Variants in TLK1 observed in about 807,000 individuals in gnomAD.
TLK1 encodes tousled like kinase 1, also known as serine/threonine-protein kinase tousled-like 1.
Under a neutral mutation model 105.3 loss-of-function variants are expected in TLK1, and 24 were observed. The observed-to-expected ratio is 0.23, with a 90% CI of 0.17 to 0.32. TLK1 has a LOEUF of 0.32. Among genes scored for constraint, TLK1 ranks in the 10% least tolerant of loss-of-function variants. TLK1 has a pLI of 1.00. For missense variants in TLK1, 558 were observed against 910.5 expected (o/e 0.61, Z 4.98); for synonymous variants, 321 against 310.4 (o/e 1.03, Z -0.36).
intron 12 of TLK1, among the ~76,000 whole-genome samples, chr2:171,016,282 C>T (rs929109343): frequency 3.3e-5 from 5 of 152,142 alleles, no homozygotes; most frequent in African/African-American, 1.2e-4. Context: ...ACTAGGACTA[C>T]AGGCATGCGC....
intron 1 of TLK1, among the ~76,000 whole-genome samples, chr2:171,193,352 G>T (rs1207841770): frequency 4.0e-5 from 6 of 151,492 alleles, no homozygotes; most frequent in African/African-American, 1.5e-4. Context: ...TGTCTCCATA[G>T]TGACTGTTAA....
At chr2:171,146,887 C>T (rs896307088) in intron 1 of TLK1, among the ~76,000 whole-genome samples, 6 of 152,166 alleles carry the variant, frequency 3.9e-5, no homozygotes, top group Admixed American at 6.5e-5. Flanking sequence ...CCTGAATTTC[C>T]GGTTTCTACC....
At chr2:171,217,880 CAT>C (rs1290493907) in intron 1 of TLK1, among the ~76,000 whole-genome samples, 1 of 152,138 alleles carries the variant, frequency 6.6e-6, no homozygotes, top group East Asian at 1.9e-4. Context: ...GTTGTATGAA[CAT>C]GGACAAAGAT....
At chr2:171,048,676 G>C (rs1382075040) in intron 10 of TLK1, among the ~76,000 whole-genome samples, 2 of 32,764 alleles carry the variant, frequency 6.1e-5, no homozygotes, top group South Asian at 5.5e-3. Context: ...GTTTCACTGT[G>C]GTATAACTAG....
intron 1 of TLK1, among the ~76,000 whole-genome samples, chr2:171,191,494 G>T (rs1456828965): frequency 6.6e-6 from 1 of 152,120 alleles, no homozygotes; most frequent in Non-Finnish European, 1.5e-5. Flanking sequence ...CAGTAGGATT[G>T]GTTGCGCCCA....
chr2:170,998,831 C>A (rs541498553), intron 18 of TLK1, among the ~76,000 whole-genome samples: 4 of 152,268 alleles, frequency 2.6e-5, no homozygotes, highest in African/African-American at 2.4e-5. Flanking sequence ...TACAGTGGTA[C>A]GATCATAGCT....
At chr2:171,070,803 G>A (rs1348256612) in intron 3 of TLK1, among the ~76,000 whole-genome samples, 1 of 152,150 alleles carries the variant, frequency 6.6e-6, no homozygotes, top group East Asian at 1.9e-4. Flanking sequence ...TGGAATTGCT[G>A]GATCGCACGG....
intron 8 of TLK1, among the ~76,000 whole-genome samples, chr2:171,051,416 AT>A (rs1687231037): frequency 6.6e-6 from 1 of 152,074 alleles, no homozygotes; most frequent in African/African-American, 2.4e-5. Flanking sequence ...AAGTTGTTCA[AT>A]GAGATATCCA....
At chr2:171,017,339 C>G (rs1450248043) in intron 12 of TLK1, among the ~76,000 whole-genome samples, 1 of 152,170 alleles carries the variant, frequency 6.6e-6, no homozygotes, top group Non-Finnish European at 1.5e-5. Context: ...ATTTGACTGT[C>G]ACATGTGTAG....
chr2:171,215,649 A>G (rs1300323120), intron 1 of TLK1, among the ~76,000 whole-genome samples: 1 of 152,222 alleles, frequency 6.6e-6, no homozygotes, highest in Non-Finnish European at 1.5e-5. Context: ...AAACATTTCA[A>G]TCAATTGTTT....
chr2:171,053,734 T>C, intron 8 of TLK1, 27 bp downstream of exon 8: 1 of 1,504,580 alleles, frequency 6.6e-7, no homozygotes, highest in Middle Eastern at 1.8e-4. Context: ...TATTCAATTT[T>C]TTTCCCCTCT....
chr2:171,085,011 T>C (rs770080090), intron 2 of TLK1, among the ~76,000 whole-genome samples: 2 of 152,104 alleles, frequency 1.3e-5, no homozygotes, highest in Non-Finnish European at 2.9e-5. Flanking sequence ...CAGCTGATGA[T>C]GAAGCAACAA....
intron 1 of TLK1, among the ~76,000 whole-genome samples, chr2:171,169,600 G>C (rs1186962168): frequency 1.3e-5 from 2 of 152,116 alleles, no homozygotes; most frequent in Admixed American, 6.5e-5. Flanking sequence ...TATTAAGAGT[G>C]GTTGTCTTTC....
intron 2 of TLK1, among the ~76,000 whole-genome samples, chr2:171,114,517 C>G (rs1690324341): frequency 6.6e-6 from 1 of 152,074 alleles, no homozygotes; most frequent in African/African-American, 2.4e-5. Flanking sequence ...AATAGCCAAG[C>G]CAAAGAACAC....
chr2:171,066,035 C>T (rs1356041754), intron 3 of TLK1, among the ~76,000 whole-genome samples: 5 of 152,144 alleles, frequency 3.3e-5, no homozygotes, highest in African/African-American at 9.7e-5. Context: ...TACATATAAA[C>T]GTTACCATGA....
chr2:171,115,721 A>T (rs1258927617), intron 2 of TLK1, among the ~76,000 whole-genome samples: 2 of 152,218 alleles, frequency 1.3e-5, no homozygotes, highest in Non-Finnish European at 2.9e-5. Flanking sequence ...TAATCAGGTA[A>T]CATAATGCTA....
chr2:171,170,020 C>T (rs376070572), intron 1 of TLK1, among the ~76,000 whole-genome samples: 1 of 152,198 alleles, frequency 6.6e-6, no homozygotes, highest in African/African-American at 2.4e-5. Context: ...TGAAAAGAAA[C>T]AGCATGCACA....
chr2:171,081,949 A>T (rs1312462160), intron 3 of TLK1, among the ~76,000 whole-genome samples: 1 of 152,064 alleles, frequency 6.6e-6, no homozygotes, highest in African/African-American at 2.4e-5. Flanking sequence ...GTCTATACTA[A>T]CCAAGTAGAA....
At chr2:171,068,032 G>A (rs1030620303) in intron 3 of TLK1, among the ~76,000 whole-genome samples, 3 of 151,760 alleles carry the variant, frequency 2.0e-5, no homozygotes, top group Non-Finnish European at 4.4e-5. Context: ...TTTTTTTCCT[G>A]AGACATGGGA....
Sources: allele counts gnomAD v4.1 joint callset (sites outside exome capture counted in the v4.1 genomes callset), GRCh38; gene constraint gnomAD v4.1.1; transcripts MANE v1.5; gene names NCBI Gene and HGNC (gene_info 2026-07-23, HGNC 2026-07-21).